MCTP1: variants seen among roughly 807,000 people sequenced by gnomAD.
MCTP1 encodes the protein multiple C2 and transmembrane domain containing 1.
In MCTP1, 69 loss-of-function variants were observed where a neutral mutation model predicts 120.6. The ratio of observed to expected loss-of-function variants is 0.57; its 90% CI spans 0.47 to 0.70. MCTP1 has a LOEUF of 0.70. MCTP1 is among the 30% of genes least tolerant of loss of function. The probability of loss-of-function intolerance (pLI) is 0.00; values close to 1 mark genes in which losing one functional copy is unlikely to be tolerated. For missense variants in MCTP1, 1,203 were observed against 1,248.8 expected, an observed-to-expected ratio of 0.96 and a Z score of 0.55; for synonymous variants, 529 against 493.1, an observed-to-expected ratio of 1.07 and a Z score of -0.96.
chr5:94,911,373 C>T (rs1206288896), intron 9 of MCTP1, among the ~76,000 whole-genome samples: 1 of 152,166 alleles, frequency 6.6e-6, no homozygotes, highest in Admixed American at 6.5e-5. Flanking sequence ...AATCTCATGT[C>T]ATATTGTACT....
intron 2 of MCTP1, among the ~76,000 whole-genome samples, chr5:94,963,911 T>G (rs1824966858): frequency 6.6e-6 from 1 of 152,212 alleles, no homozygotes; most frequent in Admixed American, 6.6e-5. Context: ...AGGAGCATTT[T>G]CTCTATCTTT....
At chr5:94,947,577 T>TATATATATATATATAGAGAG in intron 3 of MCTP1, among the ~76,000 whole-genome samples, 46 of 47,376 alleles carry the variant, frequency 9.7e-4, no homozygotes, top group South Asian at 1.4e-3. Context: ...TATATATATA[T>TATATATATATATATAGAGAG]AGAGAGAGAG....
At chr5:94,848,828 T>A (rs767169240) in intron 17 of MCTP1, among the ~76,000 whole-genome samples, 13 of 151,936 alleles carry the variant, frequency 8.6e-5, no homozygotes, top group Non-Finnish European at 1.8e-4. Context: ...CAATAAATAA[T>A]CTGTCAGTAA....
At chr5:95,054,798 ATTGT>A (rs34597579) in intron 1 of MCTP1, among the ~76,000 whole-genome samples, 5 of 151,188 alleles carry the variant, frequency 3.3e-5, no homozygotes, top group Admixed American at 3.3e-4. Context: ...TTTTGTTGTT[ATTGT>A]TTGTTTGTTT....
At chr5:95,281,000 C>A (rs1760271047) in intron 1 of MCTP1, among the ~76,000 whole-genome samples, 1 of 152,104 alleles carries the variant, frequency 6.6e-6, no homozygotes, top group South Asian at 2.1e-4. Context: ...ATGGCTTATG[C>A]CAGGATCAAG....
intron 1 of MCTP1, among the ~76,000 whole-genome samples, chr5:95,076,794 G>T (rs926387794): frequency 2.2e-4 from 34 of 152,092 alleles, no homozygotes; most frequent in African/African-American, 6.5e-4. Flanking sequence ...ACGATAATTG[G>T]TTTTTTTCTT....
chr5:95,045,692 T>C (rs1281833369), intron 1 of MCTP1, among the ~76,000 whole-genome samples: 1 of 152,168 alleles, frequency 6.6e-6, no homozygotes, highest in African/African-American at 2.4e-5. Context: ...GGTGACCTTA[T>C]CATTGGATAC....
chr5:94,710,941 T>C lies in MCTP1; in HGVS notation c.2721-14A>G. On this transcript the variant is annotated splice_polypyrimidine_tract_variant and intron_variant, in intron 20 of 22. Coordinates refer to ENST00000515393, the MANE Select transcript of MCTP1 (RefSeq NM_024717.7). ...CAGTTGAAAGTACTGAATGGAAAAT[T>C]AACACATCAGCAATCTGAGTACTTC... 4.5e-6 allele frequency: 7 copies of C among 1,547,298 alleles called. No individual in the cohort carries two copies. The highest frequency in any genetic ancestry group is 6.2e-6 in the Non-Finnish European group (7 of 1,120,936).
chr5:94,924,477 A>G (rs555515217), intron 6 of MCTP1, among the ~76,000 whole-genome samples: 1 of 152,202 alleles, frequency 6.6e-6, no homozygotes, highest in East Asian at 1.9e-4. Flanking sequence ...TTCTACAAAA[A>G]ATTCCAAATT....
At position 94,791,523 on chromosome 5, in the gene MCTP1, A is replaced by ACACACT. The variant is rs1778970994; in HGVS notation, c.2556+7489_2556+7490insAGTGTG. Among the ~76,000 whole-genome samples the ACACACT allele has an allele frequency of 9.9e-5, 15 of 152,146 alleles. No homozygotes were observed. In the South Asian group the frequency reaches 3.1e-3, roughly 32 times the overall value. ...AATACACACACACACACACACTCATATAGTGAAAATTGTATAGAAATTAAA... is the reference window on the plus strand; with the variant it reads ...AATACACACACACACACACACTCATACACACTTAGTGAAAATTGTATAGAAATTAAA... On this transcript the variant is annotated intron_variant, in intron 18 of 22. Transcript: ENST00000515393.
intron 1 of MCTP1, among the ~76,000 whole-genome samples, chr5:95,164,205 G>A (rs1035722840): frequency 6.6e-6 from 1 of 152,112 alleles, no homozygotes; most frequent in Admixed American, 6.6e-5. Context: ...TGAAATTGAA[G>A]TGGGAGCATT....
intron 1 of MCTP1, among the ~76,000 whole-genome samples, chr5:95,235,953 G>A (rs564482549): frequency 6.6e-6 from 1 of 152,228 alleles, no homozygotes; most frequent in African/African-American, 2.4e-5. Flanking sequence ...AATTAATTAT[G>A]GAGATACAGA....
intron 1 of MCTP1, among the ~76,000 whole-genome samples, chr5:95,220,860 C>A (rs992724533): frequency 6.6e-6 from 1 of 152,112 alleles, no homozygotes; most frequent in Non-Finnish European, 1.5e-5. Flanking sequence ...GTAAATAAAG[C>A]ATTATTGCCA....
At chr5:94,917,768 A>G (rs1014170663) in intron 8 of MCTP1, 128 bp downstream of exon 8, 1 of 632,762 alleles carries the variant, frequency 1.6e-6, no homozygotes, top group African/African-American at 1.8e-5. Context: ...TTAAGATTAC[A>G]ATTCCTTTTC....
At chr5:95,249,076 C>A (rs1342448290) in intron 1 of MCTP1, among the ~76,000 whole-genome samples, 12 of 152,150 alleles carry the variant, frequency 7.9e-5, no homozygotes, top group African/African-American at 2.9e-4. Flanking sequence ...AAAACCTAGG[C>A]AATACCATTC....
intron 19 of MCTP1, among the ~76,000 whole-genome samples, chr5:94,766,478 C>G (rs1772752632): frequency 6.6e-6 from 1 of 151,676 alleles, no homozygotes; most frequent in South Asian, 2.1e-4. Flanking sequence ...ACAATGAGAA[C>G]ACTTAGCCAC....
intron 1 of MCTP1, among the ~76,000 whole-genome samples, chr5:95,072,081 C>CTGTGTGTGTGTGTGTGTG (rs56135843): frequency 0.012 from 1,706 of 143,850 alleles, 29 homozygotes; most frequent in African/African-American, 0.019. Flanking sequence ...GCCAATTTTC[C>CTGTGTGTGTGTGTGTGTG]TGTGTGTGTG....
chr5:94,869,640 C>A (rs1797470609), intron 16 of MCTP1, among the ~76,000 whole-genome samples: 1 of 151,910 alleles, frequency 6.6e-6, no homozygotes, highest in Non-Finnish European at 1.5e-5. Context: ...TCTAATATTA[C>A]AAAAATTATT....
At chr5:95,212,329 T>C (rs559611713) in intron 1 of MCTP1, among the ~76,000 whole-genome samples, 1 of 152,260 alleles carries the variant, frequency 6.6e-6, no homozygotes, top group East Asian at 1.9e-4. Context: ...ATTGAATCTC[T>C]GAATAGACCA....
Sources: allele counts gnomAD v4.1 joint callset (sites outside exome capture counted in the v4.1 genomes callset), GRCh38; gene constraint gnomAD v4.1.1; transcripts MANE v1.5; gene names NCBI Gene and HGNC (gene_info 2026-07-23, HGNC 2026-07-21).